TAFA2: variants seen among roughly 807,000 people sequenced by gnomAD.
TAFA2 encodes the protein TAFA chemokine like family member 2, also known as chemokine-like protein TAFA-2.
TAFA2 carries 7 observed loss-of-function variants against 18.8 expected under a neutral mutation model. The observed-to-expected ratio is 0.37, with a 90% CI of 0.21 to 0.70. The LOEUF is 0.70. Among genes scored for constraint, TAFA2 ranks in the 30% least tolerant of loss-of-function variants. TAFA2 has a pLI of 0.53. For missense variants in TAFA2, 122 were observed against 158.1 expected (o/e 0.77, Z 1.23); for synonymous variants, 60 against 54.2 (o/e 1.11, Z -0.47).
intron 1 of TAFA2, among the ~76,000 whole-genome samples, chr12:62,181,993 C>CCCT (rs1555196470): frequency 1.3e-5 from 2 of 148,518 alleles, no homozygotes; most frequent in Non-Finnish European, 3.0e-5. Flanking sequence ...AAGTCCATCC[C>CCCT]CCCCCCGCTA....
At chr12:61,998,904 T>A (rs991738364) in intron 1 of TAFA2, among the ~76,000 whole-genome samples, 1 of 152,212 alleles carries the variant, frequency 6.6e-6, no homozygotes, top group Non-Finnish European at 1.5e-5. Context: ...GTATTAGAGA[T>A]TCACCTCCCG....
At chr12:61,820,590 GAAAT>G (rs1872281365) in intron 2 of TAFA2, among the ~76,000 whole-genome samples, 2 of 151,750 alleles carry the variant, frequency 1.3e-5, no homozygotes, top group Non-Finnish European at 1.5e-5. Flanking sequence ...AGGAAAAAAA[GAAAT>G]AAAAAAAGAT....
At chr12:61,844,074 AT>A in intron 2 of TAFA2, among the ~76,000 whole-genome samples, 1 of 152,162 alleles carries the variant, frequency 6.6e-6, no homozygotes, top group East Asian at 1.9e-4. Flanking sequence ...GAGAGGTGGT[AT>A]TTTAAAAGAT....
chr12:62,079,798 CT>C (rs1319092563), intron 1 of TAFA2, among the ~76,000 whole-genome samples: 9 of 152,146 alleles, frequency 5.9e-5, no homozygotes, highest in African/African-American at 1.7e-4. Flanking sequence ...GGTGAAGCTT[CT>C]CACAAAAAAA....
chr12:61,903,818 C>T (rs964756933), intron 1 of TAFA2, among the ~76,000 whole-genome samples: 3 of 152,160 alleles, frequency 2.0e-5, no homozygotes, highest in Non-Finnish European at 2.9e-5. Flanking sequence ...AAAAAGTTCA[C>T]TTCTATTTTT....
intron 1 of TAFA2, among the ~76,000 whole-genome samples, chr12:61,991,724 C>T (rs1473631621): frequency 6.6e-6 from 1 of 152,154 alleles, no homozygotes; most frequent in Non-Finnish European, 1.5e-5. Context: ...TGCTTACTGT[C>T]TGAACTTCCT....
chr12:62,043,533 C>A (rs972849371), intron 1 of TAFA2, among the ~76,000 whole-genome samples: 3 of 152,034 alleles, frequency 2.0e-5, no homozygotes, highest in African/African-American at 7.2e-5. Context: ...TTAATGGGTG[C>A]AGCACACCAA....
chr12:62,086,251 T>C (rs1251699787), intron 1 of TAFA2, among the ~76,000 whole-genome samples: 1 of 150,966 alleles, frequency 6.6e-6, no homozygotes, highest in Non-Finnish European at 1.5e-5. Context: ...ATTGTTTGGA[T>C]ATGACATCAA....
intron 1 of TAFA2, among the ~76,000 whole-genome samples, chr12:62,145,330 G>A (rs982802408): frequency 6.6e-6 from 1 of 152,194 alleles, no homozygotes; most frequent in East Asian, 1.9e-4. Flanking sequence ...GATTCTCGTA[G>A]GAGCCAGAAC....
chr12:61,837,105 T>A (rs534481002), intron 2 of TAFA2, among the ~76,000 whole-genome samples: 1 of 151,850 alleles, frequency 6.6e-6, no homozygotes, highest in Non-Finnish European at 1.5e-5. Flanking sequence ...TATAATCAGA[T>A]CCAACACTCC....
upstream of TAFA2, among the ~76,000 whole-genome samples, chr12:62,194,882 A>G (rs1592395299): frequency 6.6e-6 from 1 of 152,258 alleles, no homozygotes; most frequent in Non-Finnish European, 1.5e-5. Context: ...ACCATACTGC[A>G]GTCCATTAGG....
intron 1 of TAFA2, among the ~76,000 whole-genome samples, chr12:61,953,568 T>C (rs1430333628): frequency 8.8e-6 from 1 of 113,416 alleles, no homozygotes; most frequent in Non-Finnish European, 1.8e-5. Context: ...TGCTACATTT[T>C]TGTGGGATTT....
At chr12:61,885,065 A>G (rs1156801316) in intron 1 of TAFA2, among the ~76,000 whole-genome samples, 1 of 151,686 alleles carries the variant, frequency 6.6e-6, no homozygotes, top group Admixed American at 6.5e-5. Context: ...AAATGGATGA[A>G]ATATTTTCAC....
rs540900795 is a variant in TAFA2 at position 61,774,664 on chromosome 12, G to A, written c.107-19640C>T. ...ATGATAAAATGGACTTCAGGGATTC[G>A]GGGGAAAGAGTGGGAGGATGGTGAG... On this transcript the variant is annotated intron_variant, in intron 2 of 4. Coordinates refer to ENST00000416284, the MANE Select transcript of TAFA2 (RefSeq NM_178539.5). Among the ~76,000 whole-genome samples the A allele has an allele frequency of 1.7e-4, 26 of 151,748 alleles. No individual in the cohort carries two copies. In the East Asian group the frequency reaches 3.5e-3, roughly 20 times the overall value.
rs566902019 is a variant in TAFA2 at position 61,801,969 on chromosome 12, C to G, written c.107-46945G>C. On this transcript the variant is annotated intron_variant, in intron 2 of 4. Coordinates refer to ENST00000416284, the MANE Select transcript of TAFA2 (RefSeq NM_178539.5). Reference sequence around the variant, plus strand: ...GGGCAAAGGATCTGAATGGATCTTTCTCAAAAGAAGACATACAAATAGCCA... The same window carrying G: ...GGGCAAAGGATCTGAATGGATCTTTGTCAAAAGAAGACATACAAATAGCCA... Among the ~76,000 whole-genome samples, 5 of 152,140 alleles carry G rather than the reference C, an allele frequency of 3.3e-5. No homozygotes were observed. The South Asian group carries it at 1.0e-3, about 31-fold the overall frequency.
At chr12:61,902,622 GGCCCTGTTAGA>G (rs1275226099) in intron 1 of TAFA2, among the ~76,000 whole-genome samples, 1 of 152,096 alleles carries the variant, frequency 6.6e-6, no homozygotes. Context: ...CAGCACCTCA[GGCCCTGTTAGA>G]GCCTTCTCTG....
chr12:62,125,476 G>A (rs1870417152), intron 1 of TAFA2, among the ~76,000 whole-genome samples: 1 of 152,092 alleles, frequency 6.6e-6, no homozygotes, highest in South Asian at 2.1e-4. Context: ...TCTTACCGTC[G>A]TGAAGAATTT....
At chr12:61,724,486 C>A (rs1870047412) in intron 4 of TAFA2, among the ~76,000 whole-genome samples, 1 of 151,648 alleles carries the variant, frequency 6.6e-6, no homozygotes, top group Admixed American at 6.6e-5. Context: ...ACACTCATCC[C>A]CTGAAGAGTG....
intron 1 of TAFA2, among the ~76,000 whole-genome samples, chr12:62,212,408 G>A (rs2062717803): frequency 6.6e-6 from 1 of 152,156 alleles, no homozygotes; most frequent in African/African-American, 2.4e-5. Flanking sequence ...AAGGGGTTTG[G>A]ATAAGCACAT....
Sources: allele counts gnomAD v4.1 joint callset (sites outside exome capture counted in the v4.1 genomes callset), GRCh38; gene constraint gnomAD v4.1.1; transcripts MANE v1.5; gene names NCBI Gene and HGNC (gene_info 2026-07-23, HGNC 2026-07-21).